LRRTM4: variants seen among roughly 807,000 people sequenced by gnomAD.
LRRTM4 encodes leucine rich repeat transmembrane neuronal 4.
LRRTM4 carries 25 observed loss-of-function variants against 47.6 expected under a neutral mutation model. That is an observed-to-expected ratio of 0.53 (90% CI 0.38 to 0.73). The LOEUF (loss-of-function observed/expected upper bound fraction) is 0.73, where lower values mean the gene tolerates loss of function less well. Among genes scored for constraint, LRRTM4 ranks in the 30% least tolerant of loss-of-function variants. LRRTM4 has a pLI of 0.00. For missense variants in LRRTM4, 638 were observed against 713.4 expected (o/e 0.89, Z 1.20); for synonymous variants, 311 against 269.5 (o/e 1.15, Z -1.51).
chr2:76,820,606 C>T (rs1314361787), intron 3 of LRRTM4, among the ~76,000 whole-genome samples: 1 of 151,616 alleles, frequency 6.6e-6, no homozygotes, highest in Admixed American at 6.6e-5. Flanking sequence ...AATTAGATAG[C>T]ACTAACCAAC....
chr2:77,136,392 T>C (rs1558598477), intron 3 of LRRTM4, among the ~76,000 whole-genome samples: 1 of 152,028 alleles, frequency 6.6e-6, no homozygotes, highest in African/African-American at 2.4e-5. Flanking sequence ...TCCAGCAAAC[T>C]CCACCAGACC....
intron 3 of LRRTM4, among the ~76,000 whole-genome samples, chr2:76,796,035 A>T (rs182994791): frequency 8.3e-6 from 1 of 119,826 alleles, no homozygotes; most frequent in Admixed American, 8.0e-5. Context: ...TCCCTTTCTG[A>T]GTCAAAGAAA....
At chr2:77,383,430 G>T (rs572485398) in intron 3 of LRRTM4, among the ~76,000 whole-genome samples, 3 of 151,754 alleles carry the variant, frequency 2.0e-5, no homozygotes, top group South Asian at 4.2e-4. Context: ...TTTCTTATAC[G>T]TGTTCCTTTT....
intron 3 of LRRTM4, among the ~76,000 whole-genome samples, chr2:76,850,138 A>G (rs1307594576): frequency 6.6e-6 from 1 of 152,158 alleles, no homozygotes; most frequent in Non-Finnish European, 1.5e-5. Context: ...GAATTTTTCA[A>G]GTTAAACCCA....
chr2:77,089,907 C>A (rs1680873920), intron 3 of LRRTM4, among the ~76,000 whole-genome samples: 2 of 152,086 alleles, frequency 1.3e-5, no homozygotes, highest in South Asian at 4.2e-4. Context: ...ACACATCAGT[C>A]CCTTCCTAGT....
intron 3 of LRRTM4, among the ~76,000 whole-genome samples, chr2:77,020,963 A>G (rs1475281862): frequency 6.6e-6 from 1 of 152,120 alleles, no homozygotes; most frequent in Non-Finnish European, 1.5e-5. Flanking sequence ...GGGAGCTTCT[A>G]TTACTGTTAT....
chr2:77,115,200 A>G (rs989651146), intron 3 of LRRTM4, among the ~76,000 whole-genome samples: 3 of 152,178 alleles, frequency 2.0e-5, no homozygotes, highest in African/African-American at 7.2e-5. Context: ...GTCCGTTTAT[A>G]GGTTCCCTGC....
At chr2:77,462,799 G>A (rs1443315885) in intron 3 of LRRTM4, among the ~76,000 whole-genome samples, 2 of 151,974 alleles carry the variant, frequency 1.3e-5, no homozygotes. Context: ...TTGCCTACCT[G>A]TGCAGAAATC....
chr2:76,932,937 T>C (rs2103839219), intron 3 of LRRTM4, among the ~76,000 whole-genome samples: 1 of 152,264 alleles, frequency 6.6e-6, no homozygotes, highest in Non-Finnish European at 1.5e-5. Context: ...GGTGGTTTGC[T>C]GTACCCATCA....
chr2:77,016,332 G>T (rs141586368), intron 3 of LRRTM4, among the ~76,000 whole-genome samples: 161 of 150,304 alleles, frequency 1.1e-3, no homozygotes, highest in African/African-American at 3.7e-3. Flanking sequence ...GTTGCAGTGA[G>T]CCCAGATCGC....
chr2:77,355,379 C>T (rs1428250736), intron 3 of LRRTM4, among the ~76,000 whole-genome samples: 1 of 151,944 alleles, frequency 6.6e-6, no homozygotes, highest in African/African-American at 2.4e-5. Flanking sequence ...ATCCAGAAGC[C>T]CTCATAGGGT....
At chr2:77,155,769 T>C (rs1342297207) in intron 3 of LRRTM4, among the ~76,000 whole-genome samples, 4 of 152,074 alleles carry the variant, frequency 2.6e-5, no homozygotes, top group African/African-American at 9.7e-5. Flanking sequence ...GTTGGTTAAA[T>C]GGTCCAAAGT....
intron 3 of LRRTM4, among the ~76,000 whole-genome samples, chr2:77,026,061 G>T: frequency 6.6e-6 from 1 of 152,212 alleles, no homozygotes. Flanking sequence ...CATTATAAAC[G>T]TTGACTAAAA....
intron 3 of LRRTM4, among the ~76,000 whole-genome samples, chr2:77,354,618 T>TA (rs1164455238): frequency 1.3e-5 from 2 of 151,864 alleles, no homozygotes; most frequent in Non-Finnish European, 2.9e-5. Flanking sequence ...ACCATGAAAG[T>TA]AAAAAAAGAC....
At chr2:76,901,175 G>A (rs1388723184) in intron 3 of LRRTM4, among the ~76,000 whole-genome samples, 1 of 152,072 alleles carries the variant, frequency 6.6e-6, no homozygotes, top group African/African-American at 2.4e-5. Context: ...GCGTGCATTA[G>A]GTATGTTTGC....
chr2:76,972,204 C>A (rs533545886), intron 3 of LRRTM4, among the ~76,000 whole-genome samples: 3 of 151,966 alleles, frequency 2.0e-5, no homozygotes, highest in African/African-American at 7.2e-5. Flanking sequence ...TCAAATCTAC[C>A]CATCCAATTA....
chr2:77,373,806 T>C (rs1452767840), intron 3 of LRRTM4, among the ~76,000 whole-genome samples: 2 of 151,770 alleles, frequency 1.3e-5, no homozygotes, highest in African/African-American at 4.8e-5. Context: ...CTTGCGGAGA[T>C]ACATTCCTAT....
chr2:77,182,746 C>T (rs551085027), intron 3 of LRRTM4, among the ~76,000 whole-genome samples: 42 of 152,096 alleles, frequency 2.8e-4, no homozygotes, highest in South Asian at 1.2e-3. Flanking sequence ...CCCTGCCTTG[C>T]GCCAGTTTTC....
At position 76,931,487 on chromosome 2, in the gene LRRTM4, C is replaced by T. The variant is rs573366955; in HGVS notation, c.1552-182571G>A. On this transcript the variant is annotated intron_variant, in intron 3 of 3. Coordinates refer to ENST00000409884, the MANE Select transcript of LRRTM4 (RefSeq NM_001134745.3). Reference sequence around the variant, plus strand: ...TCTTCCTTTAATCCTGAGTGTGGGACAAGGTTCCCTGCTGTGCCCGTAATG... The same window carrying T: ...TCTTCCTTTAATCCTGAGTGTGGGATAAGGTTCCCTGCTGTGCCCGTAATG... Among the ~76,000 whole-genome samples the T allele has an allele frequency of 4.6e-5, 7 of 152,216 alleles. No individual in the cohort carries two copies. The South Asian group carries it at 1.2e-3, about 27-fold the overall frequency.
Sources: gnomAD v4.1 joint callset for allele counts (sites outside exome capture counted in the v4.1 genomes callset) on GRCh38, gnomAD v4.1.1 for gene constraint, MANE v1.5 for transcripts, NCBI Gene and HGNC (gene_info 2026-07-23, HGNC 2026-07-21) for gene names.